RUNX1: variants seen among roughly 807,000 people sequenced by gnomAD.
The protein encoded by RUNX1 is runt-related transcription factor 1.
In RUNX1, 19 loss-of-function variants were observed where a neutral mutation model predicts 42.8. The ratio of observed to expected loss-of-function variants is 0.44; its 90% CI spans 0.31 to 0.65. RUNX1 has a LOEUF of 0.65. Among genes scored for constraint, RUNX1 ranks in the 30% least tolerant of loss-of-function variants. The pLI, the probability that RUNX1 is intolerant of heterozygous loss-of-function variation, is 0.07. For synonymous variants in RUNX1, 271 were observed against 289.4 expected (o/e 0.94, Z 0.64); for missense variants, 528 against 672.0 (o/e 0.79, Z 2.37).
At chr21:34,905,905 T>G (rs981961992) in intron 2 of RUNX1, among the ~76,000 whole-genome samples, 1 of 152,226 alleles carries the variant, frequency 6.6e-6, no homozygotes, top group Non-Finnish European at 1.5e-5. Flanking sequence ...ATCCTCTCTT[T>G]ACTGATCTTT....
intron 2 of RUNX1, among the ~76,000 whole-genome samples, chr21:35,023,311 A>G (rs2059212933): frequency 6.6e-6 from 1 of 152,208 alleles, no homozygotes; most frequent in Non-Finnish European, 1.5e-5. Flanking sequence ...CCAGCCTGCA[A>G]AACTCCGGAA....
At chr21:34,876,816 C>A (rs1473410159) in intron 5 of RUNX1, among the ~76,000 whole-genome samples, 2 of 152,158 alleles carry the variant, frequency 1.3e-5, no homozygotes, top group African/African-American at 4.8e-5. Flanking sequence ...AATACTCCAA[C>A]TGGGATGAAG....
chr21:34,956,735 G>A (rs1255277978), intron 2 of RUNX1, among the ~76,000 whole-genome samples: 1 of 152,132 alleles, frequency 6.6e-6, no homozygotes, highest in Non-Finnish European at 1.5e-5. Context: ...TGAATTGCTA[G>A]AACATTTGAG....
chr21:34,869,334 C>T (rs2057706173), intron 5 of RUNX1, among the ~76,000 whole-genome samples: 2 of 152,150 alleles, frequency 1.3e-5, no homozygotes, highest in African/African-American at 4.8e-5. Flanking sequence ...ACTCTTAAAC[C>T]TATTGAACAC....
intron 2 of RUNX1, among the ~76,000 whole-genome samples, chr21:34,977,752 T>C (rs1038782510): frequency 5.9e-5 from 9 of 152,194 alleles, no homozygotes; most frequent in African/African-American, 2.2e-4. Flanking sequence ...TAAACCTGAA[T>C]GGAGAATGTC....
rs532224749 is a variant in RUNX1, at chr21:34,814,195, G to A, written c.806-14733C>T. Among the ~76,000 whole-genome samples, 9 of 152,246 alleles carry A rather than the reference G, an allele frequency of 5.9e-5. No homozygotes were observed. In the South Asian group the frequency reaches 1.2e-3, roughly 21 times the overall value. On this transcript the variant is annotated intron_variant, in intron 7 of 8. Transcript: ENST00000675419. ...TTATGTCTTCTCTCCACCCTGAAAC[G>A]ATGCCAAAATGACCCCAAATCTCAA...
intron 2 of RUNX1, among the ~76,000 whole-genome samples, chr21:35,023,960 G>T (rs1281544543): frequency 6.7e-6 from 1 of 149,260 alleles, no homozygotes; most frequent in African/African-American, 2.4e-5. Context: ...TATTTATATA[G>T]TTTACATATA....
intron 4 of RUNX1, among the ~76,000 whole-genome samples, chr21:34,883,584 A>G (rs776828067): frequency 1.3e-5 from 2 of 152,250 alleles, no homozygotes; most frequent in Non-Finnish European, 2.9e-5. Context: ...ATAGGTAAGG[A>G]AACACAAACA....
intron 2 of RUNX1, chr21:35,038,651 TAGAGAGAGAG>T (rs145814354): frequency 2.5e-6 from 1 of 401,610 alleles, no homozygotes; most frequent in African/African-American, 2.9e-5. Context: ...GTGTGTGAGA[TAGAGAGAGAG>T]AGAGAGAGAG....
intron 2 of RUNX1, among the ~76,000 whole-genome samples, chr21:34,899,274 T>C (rs1049093264): frequency 4.6e-5 from 7 of 152,182 alleles, no homozygotes; most frequent in African/African-American, 7.2e-5. Context: ...AAAATTCACA[T>C]TGAAGCCCTA....
chr21:34,847,917 CTTTT>C (rs564440893), intron 6 of RUNX1, among the ~76,000 whole-genome samples: 2 of 148,824 alleles, frequency 1.3e-5, no homozygotes, highest in African/African-American at 2.5e-5. Context: ...ATCTGCCAAG[CTTTT>C]TTTTTTCTTC....
chr21:34,933,694 C>T (rs567205425), intron 2 of RUNX1, among the ~76,000 whole-genome samples: 19 of 152,324 alleles, frequency 1.2e-4, no homozygotes, highest in African/African-American at 4.3e-4. Context: ...GCATGCAGTA[C>T]ACTGCACTGA....
chr21:34,802,523 A>G (rs2056621941), intron 7 of RUNX1, among the ~76,000 whole-genome samples: 1 of 152,186 alleles, frequency 6.6e-6, no homozygotes, highest in Non-Finnish European at 1.5e-5. Flanking sequence ...TCATTCACTC[A>G]TATTTCCAAC....
intron 3 of RUNX1, among the ~76,000 whole-genome samples, chr21:34,891,322 T>C (rs1296639753): frequency 6.6e-6 from 1 of 152,214 alleles, no homozygotes; most frequent in East Asian, 1.9e-4. Flanking sequence ...CTTTTGCTCC[T>C]TGACTCGATG....
intron 3 of RUNX1, chr21:34,889,627 CTCCTCTCCCCGCCCCCGT>C (rs1217009376): frequency 2.7e-5 from 29 of 1,082,122 alleles, no homozygotes; most frequent in Non-Finnish European, 3.2e-5. Flanking sequence ...GCGGCCCCCG[CTCCTCTCCCCGCCCCCGT>C]GCGCTCGAGC....
At chr21:34,943,136 T>C (rs536127724) in intron 2 of RUNX1, among the ~76,000 whole-genome samples, 1 of 152,342 alleles carries the variant, frequency 6.6e-6, no homozygotes, top group East Asian at 1.9e-4. Context: ...AAGATCAGCT[T>C]CTGAAGGAAA....
chr21:34,814,016 C>G (rs1227605676), intron 7 of RUNX1, among the ~76,000 whole-genome samples: 2 of 152,210 alleles, frequency 1.3e-5, no homozygotes, highest in East Asian at 3.9e-4. Flanking sequence ...TTACCATGTA[C>G]TGACAGAACA....
At chr21:35,045,389 T>A (rs1380000731) in intron 2 of RUNX1, among the ~76,000 whole-genome samples, 2 of 152,168 alleles carry the variant, frequency 1.3e-5, no homozygotes, top group Non-Finnish European at 2.9e-5. Flanking sequence ...TATGTCTCCC[T>A]AGAATTAATA....
chr21:34,862,703 T>C (rs2057594784), intron 5 of RUNX1, among the ~76,000 whole-genome samples: 2 of 152,236 alleles, frequency 1.3e-5, no homozygotes, highest in African/African-American at 4.8e-5. Context: ...ATTGGACTTA[T>C]GGCCCACCCA....
Sources: gnomAD v4.1 joint callset for allele counts (sites outside exome capture counted in the v4.1 genomes callset) on GRCh38, gnomAD v4.1.1 for gene constraint, MANE v1.5 for transcripts, NCBI Gene and HGNC (gene_info 2026-07-23, HGNC 2026-07-21) for gene names.